Variants in DRC1 observed in about 807,000 individuals in gnomAD.
DRC1 encodes the protein dynein regulatory complex subunit 1.
Under a neutral mutation model 98.7 loss-of-function variants are expected in DRC1, and 74 were observed. The observed-to-expected ratio is 0.75, with a 90% CI of 0.62 to 0.91. The LOEUF (loss-of-function observed/expected upper bound fraction) is 0.91. Among genes scored for constraint, DRC1 ranks in the 40% least tolerant of loss-of-function variants. The pLI is 0.00. For missense variants in DRC1, 875 were observed against 886.0 expected (o/e 0.99, Z 0.16); for synonymous variants, 336 against 334.1 (o/e 1.01, Z -0.06).
At chr2:26,450,853 A>G (rs1663987244) in intron 13 of DRC1, among the ~76,000 whole-genome samples, 172 bp downstream of exon 13, 2 of 152,138 alleles carry the variant, frequency 1.3e-5, no homozygotes, top group Admixed American at 6.5e-5. Context: ...TACATTAGGT[A>G]TTTCTCCTAA....
intron 4 of DRC1, among the ~76,000 whole-genome samples, chr2:26,427,680 T>C (rs1257314577): frequency 6.6e-6 from 1 of 152,192 alleles, no homozygotes; most frequent in East Asian, 1.9e-4. Flanking sequence ...ATTCTAACTA[T>C]ATTTTTGTGC....
intron 1 of DRC1, 54 bp downstream of exon 1, chr2:26,402,198 C>A: frequency 6.7e-7 from 1 of 1,499,002 alleles, no homozygotes; most frequent in South Asian, 1.3e-5. Flanking sequence ...CGGAGAAGGG[C>A]TGGTTTCCTG....
intron 7 of DRC1, 33 bp from the exon 8 acceptor site, chr2:26,440,345 G>GTGTATA: frequency 7.6e-7 from 1 of 1,323,196 alleles, no homozygotes; most frequent in Non-Finnish European, 1.0e-6. Flanking sequence ...GTGTGTGTGT[G>GTGTATA]TATATATATA....
chr2:26,418,662 T>TTTATATAA (rs1558438247), intron 2 of DRC1, among the ~76,000 whole-genome samples: 44 of 89,742 alleles, frequency 4.9e-4, no homozygotes, highest in African/African-American at 1.9e-3. Flanking sequence ...AAATTATATA[T>TTTATATAA]TATATAAATT....
Position 26,454,795 on chromosome 2 carries a change from G to T in DRC1, c.2063+5G>T, listed in dbSNP as rs374876526. On this transcript the variant is annotated splice_donor_5th_base_variant and intron_variant, in intron 15 of 16. Coordinates refer to ENST00000288710, the MANE Select transcript of DRC1 (RefSeq NM_145038.5). This position sits in a 1 kb window ranked among gnomAD's most constrained non-coding sequence, Gnocchi z 5.2. ...CACAGCCTTGGAGAAGTACCAGTAA[G>T]TGTGCATGTCATGGAGCAGGAGGGT... 1.9e-6 allele frequency: 3 copies of T among 1,614,048 alleles called. No homozygotes were observed. The highest frequency in any genetic ancestry group is 2.5e-6 in the Non-Finnish European group (3 of 1,179,958).
chr2:26,403,670 C>T (rs1678325416), intron 1 of DRC1, among the ~76,000 whole-genome samples: 1 of 151,594 alleles, frequency 6.6e-6, no homozygotes, highest in Non-Finnish European at 1.5e-5. Context: ...TGGCAGGCAC[C>T]TGTAATCTCA....
rs562806341 is a variant in DRC1, at chr2:26,452,318, C to T, written c.1690-1002C>T. 2.7e-4 allele frequency among the ~76,000 whole-genome samples: 41 copies of T among 152,266 alleles called. No homozygotes were observed. The South Asian group carries it at 3.3e-3, about 12-fold the overall frequency. ...TTGCCCAGGCTGGAGTGCAGTGGCA[C>T]GATCTCGGCTCACTACAACCTCCAT... is the stretch of plus-strand genomic sequence containing the variant. On this transcript the variant is annotated intron_variant, in intron 13 of 16. Transcript: ENST00000288710.
chr2:26,429,630 G>T lies in DRC1; in HGVS notation c.543G>T (p.Glu181Asp). 6.2e-7 allele frequency: 1 copy of T among 1,613,834 alleles called. No homozygotes were observed. Among genetic ancestry groups the T allele is most frequent in the Non-Finnish European group, 8.5e-7 (1 of 1,179,936 alleles). ...KNKLISELQQELKTKDDQYVK... is the reference protein window; with the variant it reads ...KNKLISELQQDLKTKDDQYVK... ...GACTTTTACATGCTCTTTTCTAGGA[G>T]TTAAAAACAAAGGATGACCAGTATG... Residue 181 changes from glutamate to aspartate, a missense_variant and splice_region_variant, in exon 5 of 17, where the codon GAG (glutamate) becomes GAT (aspartate). Coordinates refer to ENST00000288710, the MANE Select transcript of DRC1 (RefSeq NM_145038.5).
At position 26,453,296 on chromosome 2, in the gene DRC1, A is replaced by T. The variant is rs754683662; in HGVS notation, c.1690-24A>T. The T allele has an allele frequency of 1.2e-5, 19 of 1,613,440 alleles. 1 individual carries two copies. In the Admixed American group the frequency reaches 1.8e-4, roughly 16 times the overall value. ...TCATGCTCGTGTGTCCCCAGCCCACAGTTGTCCGTGCATCTTTCTCCAGAT... is the reference window on the plus strand; with the variant it reads ...TCATGCTCGTGTGTCCCCAGCCCACTGTTGTCCGTGCATCTTTCTCCAGAT... On this transcript the variant is annotated intron_variant, in intron 13 of 16. Transcript: ENST00000288710.
chr2:26,414,477 G>A, intron 2 of DRC1, 46 bp downstream of exon 2: 1 of 1,564,396 alleles, frequency 6.4e-7, no homozygotes, highest in Non-Finnish European at 8.8e-7. Context: ...AGTGAGCTGG[G>A]TGTGACATCA....
intron 4 of DRC1, among the ~76,000 whole-genome samples, chr2:26,424,981 G>C (rs933122074): frequency 2.0e-5 from 3 of 152,110 alleles, no homozygotes; most frequent in Non-Finnish European, 4.4e-5. Flanking sequence ...AAACTGTATA[G>C]TTCAGTCATG....
At chr2:26,403,578 T>G (rs1224807664) in intron 1 of DRC1, among the ~76,000 whole-genome samples, 1 of 152,008 alleles carries the variant, frequency 6.6e-6, no homozygotes, top group Non-Finnish European at 1.5e-5. Flanking sequence ...GAGGATCACC[T>G]GAGGTCAGGA....
intron 2 of DRC1, among the ~76,000 whole-genome samples, chr2:26,415,791 G>A (rs1678778878): frequency 6.6e-6 from 1 of 152,158 alleles, no homozygotes; most frequent in African/African-American, 2.4e-5. Flanking sequence ...AGTTGGCTGG[G>A]CCTGGTGGCA....
Position 26,453,476 on chromosome 2 carries a change from T to A in DRC1, c.1846T>A (p.Ser616Thr), listed in dbSNP as rs1558456833. 6.2e-7 allele frequency: 1 copy of A among 1,613,852 alleles called. No individual in the cohort carries two copies. Among genetic ancestry groups the A allele is most frequent in the African/African-American group, 1.3e-5 (1 of 74,976 alleles). Residue 616 changes from serine (S) to threonine (T), a missense_variant, in exon 14 of 17, where the codon TCC (serine) becomes ACC (threonine). Physicochemically the swap from Ser to Thr is moderately conservative, Grantham distance 58. Coordinates refer to ENST00000288710, the MANE Select transcript of DRC1 (RefSeq NM_145038.5). ...EKEEEEETPP[S>T]PWVIHPNDVL... ...GGAGGAAGAGGAGGAGACCCCACCC[T>A]CCCCCTGGGTCATCCACCCCAATGA...
chr2:26,450,031 C>T lies in DRC1; in HGVS notation c.1545C>T (p.Leu515=), dbSNP rs1663961397. Residue 515 remains leucine, a synonymous_variant, in exon 12 of 17, where the codon CTC becomes CTT. Coordinates refer to ENST00000288710, the MANE Select transcript of DRC1 (RefSeq NM_145038.5). The part of the protein sequence containing the change: ...FLIESKLLSL[L]LPLEQNECYL... ...TAGAGAGCAAGCTGCTGAGCCTTCTCCTGCCCCTGGAGCAGAATGAATGCT... is the reference window on the plus strand; with the variant it reads ...TAGAGAGCAAGCTGCTGAGCCTTCTTCTGCCCCTGGAGCAGAATGAATGCT... 15 of 1,613,910 alleles carry T rather than the reference C, an allele frequency of 9.3e-6. No individual in the cohort carries two copies. Among genetic ancestry groups the T allele is most frequent in the Non-Finnish European group, 1.3e-5 (15 of 1,179,954 alleles).
intron 4 of DRC1, among the ~76,000 whole-genome samples, chr2:26,427,959 G>A (rs1398321027): frequency 6.6e-6 from 1 of 152,126 alleles, no homozygotes; most frequent in Non-Finnish European, 1.5e-5. Context: ...TACCACATTT[G>A]CTTTATCCAT....
chr2:26,419,606 T>G (rs1663070265), intron 2 of DRC1, among the ~76,000 whole-genome samples: 1 of 152,180 alleles, frequency 6.6e-6, no homozygotes, highest in African/African-American at 2.4e-5. Context: ...CATTTCAAAT[T>G]TTTCATATAA....
At chr2:26,453,954 T>C (rs990953071) in intron 14 of DRC1, among the ~76,000 whole-genome samples, 22 of 152,094 alleles carry the variant, frequency 1.4e-4, no homozygotes, top group African/African-American at 5.3e-4. Flanking sequence ...CCCAGGCAGA[T>C]AAAATGGAGG....
intron 4 of DRC1, among the ~76,000 whole-genome samples, chr2:26,425,492 C>A (rs1663259678): frequency 6.6e-6 from 1 of 152,140 alleles, no homozygotes; most frequent in Admixed American, 6.6e-5. Context: ...TTCTTAGGAA[C>A]CTCCATACTG....
Sources: allele counts gnomAD v4.1 joint callset (sites outside exome capture counted in the v4.1 genomes callset), GRCh38; gene constraint gnomAD v4.1.1; non-coding constraint Gnocchi (gnomAD v3.1); transcripts MANE v1.5; gene names NCBI Gene and HGNC (gene_info 2026-07-23, HGNC 2026-07-21).